The following KIAA1217 variants were observed in gnomAD, a reference collection of about 807,000 sequenced individuals.
KIAA1217 encodes the protein sickle tail protein homolog.
Under a neutral mutation model 163.9 loss-of-function variants are expected in KIAA1217, and 88 were observed. The ratio of observed to expected loss-of-function variants is 0.54; its 90% CI spans 0.45 to 0.64. KIAA1217 has a LOEUF of 0.64. Ranked by LOEUF, KIAA1217 falls within the 30% of genes least tolerant of loss-of-function variation. The pLI, the probability that KIAA1217 is intolerant of heterozygous loss-of-function variation, is 0.00. For synonymous variants in KIAA1217, 903 were observed against 923.1 expected (o/e 0.98, Z 0.39); for missense variants, 2,372 against 2,475.0 (o/e 0.96, Z 0.88).
At chr10:24,518,072 C>G (rs539717361) in intron 10 of KIAA1217, among the ~76,000 whole-genome samples, 1 of 152,280 alleles carries the variant, frequency 6.6e-6, no homozygotes, top group Non-Finnish European at 1.5e-5. Context: ...CTTCTAATAA[C>G]AGTCAAGTGA....
intron 1 of KIAA1217, among the ~76,000 whole-genome samples, chr10:23,780,507 G>A (rs1835208424): frequency 6.6e-6 from 1 of 152,072 alleles, no homozygotes; most frequent in South Asian, 2.1e-4. Context: ...CCCTGTGTCT[G>A]ACTTATTTCA....
chr10:23,809,108 A>G (rs1836869251), intron 1 of KIAA1217, among the ~76,000 whole-genome samples: 1 of 152,142 alleles, frequency 6.6e-6, no homozygotes, highest in Non-Finnish European at 1.5e-5. Flanking sequence ...AAAGAATATG[A>G]GTATTTACAA....
At chr10:24,322,049 C>T (rs995938300) in intron 2 of KIAA1217, among the ~76,000 whole-genome samples, 11 of 152,046 alleles carry the variant, frequency 7.2e-5, no homozygotes, top group African/African-American at 2.4e-4. Flanking sequence ...CCCAGGTTCA[C>T]GCGATTCTCC....
Position 24,412,886 on chromosome 10 carries a change from ACTT to A in KIAA1217, c.554-20105_554-20103del, listed in dbSNP as rs201666531. 2.4e-4 allele frequency among the ~76,000 whole-genome samples: 37 copies of A among 152,280 alleles called. No individual in the cohort carries two copies. The East Asian group carries it at 4.6e-3, about 19-fold the overall frequency. On this transcript the variant is annotated intron_variant, in intron 3 of 20. Transcript: ENST00000376454. ...CAACCTCAACAAGTCCAAAAAATGA[ACTT>A]CTTATTTCCTCCAATAAAACTATCT... is the stretch of plus-strand genomic sequence containing the variant.
intron 1 of KIAA1217, among the ~76,000 whole-genome samples, chr10:23,979,395 G>A (rs1257175152): frequency 6.6e-6 from 1 of 152,124 alleles, no homozygotes; most frequent in Non-Finnish European, 1.5e-5. Context: ...TTTTAAGGTG[G>A]AGAAGTGTTG....
chr10:24,219,888 C>T lies in KIAA1217; in HGVS notation c.333C>T (p.His111=). 6.2e-7 allele frequency: 1 copy of T among 1,604,444 alleles called. No individual in the cohort carries two copies. Among genetic ancestry groups the T allele is most frequent in the East Asian group, 2.2e-5 (1 of 44,758 alleles). The change falls in exon 2 of 21, where the codon CAC becomes CAT. Residue 111 remains histidine, a synonymous_variant. Transcript: ENST00000376454. ...ACCACGCCTCTGCAATCATGGGTCA[C>T]CAAGAGAGGCTGAGAGACCAGGTAC... is the stretch of plus-strand genomic sequence containing the variant. ...YPHHASAIMG[H]QERLRDQTRS...
At chr10:23,998,183 T>G (rs1846583344) in intron 1 of KIAA1217, among the ~76,000 whole-genome samples, 1 of 152,166 alleles carries the variant, frequency 6.6e-6, no homozygotes, top group African/African-American at 2.4e-5. Context: ...CTTAGCAAAG[T>G]CTTCAAACAA....
chr10:24,310,770 G>A (rs991411894), intron 2 of KIAA1217, among the ~76,000 whole-genome samples: 1 of 152,262 alleles, frequency 6.6e-6, no homozygotes. Context: ...GCCGAGGCAC[G>A]TGGATCACTT....
intron 1 of KIAA1217, among the ~76,000 whole-genome samples, chr10:23,840,157 C>T (rs981581522): frequency 3.4e-5 from 5 of 148,874 alleles, no homozygotes; most frequent in African/African-American, 7.7e-5. Flanking sequence ...TGTAATTACG[C>T]TTCTTTTTTT....
At chr10:24,162,661 T>A (rs540121395) in intron 2 of KIAA1217, among the ~76,000 whole-genome samples, 1 of 152,336 alleles carries the variant, frequency 6.6e-6, no homozygotes, top group South Asian at 2.1e-4. Flanking sequence ...ACATGAATCA[T>A]AAATTTTTAT....
At chr10:24,245,113 G>A (rs1026342200) in intron 2 of KIAA1217, among the ~76,000 whole-genome samples, 3 of 152,132 alleles carry the variant, frequency 2.0e-5, no homozygotes, top group South Asian at 2.1e-4. Flanking sequence ...TTGCAGCACC[G>A]GGAGTCTATA....
At chr10:24,137,273 A>G (rs2063869111) in intron 2 of KIAA1217, among the ~76,000 whole-genome samples, 1 of 152,208 alleles carries the variant, frequency 6.6e-6, no homozygotes, top group East Asian at 1.9e-4. Flanking sequence ...CCCCTGCCCC[A>G]GGCAGCCACG....
At chr10:24,384,337 C>T (rs573793947) in intron 3 of KIAA1217, among the ~76,000 whole-genome samples, 31 of 152,146 alleles carry the variant, frequency 2.0e-4, no homozygotes, top group Middle Eastern at 3.4e-3. Context: ...GTAACAAGAT[C>T]GAGCAGAAAG....
chr10:24,304,908 T>C (rs1370959339), intron 2 of KIAA1217, among the ~76,000 whole-genome samples: 1 of 152,112 alleles, frequency 6.6e-6, no homozygotes, highest in Non-Finnish European at 1.5e-5. Context: ...TTATGGGCTA[T>C]GCTAAGGAGT....
At chr10:23,773,693 A>G (rs9731461) in intron 1 of KIAA1217, among the ~76,000 whole-genome samples, 42,611 of 151,722 alleles carry the variant, frequency 0.28, 7,351 homozygotes, top group African/African-American at 0.49. Flanking sequence ...CTTGTAAGCT[A>G]GATTCCTAGG....
At chr10:24,115,774 G>T (rs1343702317) in intron 2 of KIAA1217, among the ~76,000 whole-genome samples, 1 of 152,184 alleles carries the variant, frequency 6.6e-6, no homozygotes, top group Non-Finnish European at 1.5e-5. Context: ...CCAACCATCT[G>T]GATTCCTTGG....
chr10:23,913,777 A>C (rs1048604432), intron 1 of KIAA1217, among the ~76,000 whole-genome samples: 1 of 151,924 alleles, frequency 6.6e-6, no homozygotes, highest in Admixed American at 6.5e-5. Flanking sequence ...CCCTTTTCTC[A>C]TTCTGTTTTT....
intron 2 of KIAA1217, among the ~76,000 whole-genome samples, chr10:24,177,526 C>G (rs578237213): frequency 4.6e-5 from 7 of 151,318 alleles, no homozygotes; most frequent in African/African-American, 1.7e-4. Context: ...CCCTGGATAC[C>G]CAGTAATGGG....
intron 1 of KIAA1217, among the ~76,000 whole-genome samples, chr10:23,903,712 T>A (rs1226312255): frequency 6.6e-6 from 1 of 152,052 alleles, no homozygotes; most frequent in Non-Finnish European, 1.5e-5. Flanking sequence ...TTTATGGTTG[T>A]CTCTCACACA....
Sources: gnomAD v4.1 joint callset for allele counts (sites outside exome capture counted in the v4.1 genomes callset) on GRCh38, gnomAD v4.1.1 for gene constraint, MANE v1.5 for transcripts, NCBI Gene and HGNC (gene_info 2026-07-23, HGNC 2026-07-21) for gene names.